Variants in NEBL observed in about 807,000 individuals in gnomAD.
NEBL encodes nebulette, also known as LIM and SH3 protein 2.
NEBL carries 122 observed loss-of-function variants against 140.2 expected under a neutral mutation model. The observed-to-expected ratio is 0.87, with a 90% CI of 0.75 to 1.01. NEBL has a LOEUF of 1.01. NEBL is among the 50% of genes least tolerant of loss of function. The pLI is 0.00. For synonymous variants in NEBL, 436 were observed against 398.9 expected (o/e 1.09, Z -1.11); for missense variants, 1,365 against 1,231.3 (o/e 1.11, Z -1.62).
chr10:21,180,131 G>A (rs866904026), intron 3 of NEBL, among the ~76,000 whole-genome samples: 1 of 151,170 alleles, frequency 6.6e-6, no homozygotes, highest in Non-Finnish European at 1.5e-5. Flanking sequence ...AGTGAGACTC[G>A]GTCTCAGAAA....
chr10:21,108,026 A>G (rs1340091646), intron 2 of NEBL, among the ~76,000 whole-genome samples: 1 of 151,932 alleles, frequency 6.6e-6, no homozygotes, highest in African/African-American at 2.4e-5. Context: ...CCCCTTTATC[A>G]TTTTTATTGC....
chr10:21,035,142 C>T lies in NEBL; in HGVS notation c.165-14941G>A, dbSNP rs150493006. Among the ~76,000 whole-genome samples, 809 of 151,966 alleles carry T rather than the reference C, an allele frequency of 5.3e-3. 7 individuals carry two copies. The highest frequency in any genetic ancestry group is 0.018 in the African/African-American group (751 of 41,432). The stretch of plus-strand genomic sequence containing the variant: ...GTCTCCTGAGTAGCTGGATTGCAGG[C>T]GCCTGCCACCACGCCTGGCTAATTT... On this transcript the variant is annotated intron_variant, in intron 2 of 6. Coordinates refer to the NEBL transcript ENST00000417816.
intron 2 of NEBL, among the ~76,000 whole-genome samples, chr10:21,087,402 C>T (rs1836684470): frequency 1.3e-5 from 2 of 152,050 alleles, no homozygotes; most frequent in African/African-American, 4.8e-5. Flanking sequence ...CTTTAGAAAA[C>T]ACACACTGAG....
intron 3 of NEBL, among the ~76,000 whole-genome samples, chr10:20,989,004 GTTC>G (rs552490520): frequency 9.9e-4 from 151 of 152,268 alleles, no homozygotes; most frequent in African/African-American, 3.3e-3. Context: ...AATTTACACA[GTTC>G]TTATTTTCAT....
chr10:21,067,077 A>T (rs1429759987), intron 2 of NEBL, among the ~76,000 whole-genome samples: 1 of 143,740 alleles, frequency 7.0e-6, no homozygotes, highest in Non-Finnish European at 1.5e-5. Context: ...GGTTCACGCC[A>T]TTCCCCTGCC....
rs996115312 is a variant in NEBL at position 21,240,701 on chromosome 10, T to A, written n.348+7220A>T. ...GTTACAAGTTATTCTGGGATTTGGTTTTTAATGTTTTTACATTTCTAACAA... is the reference window on the plus strand; with the variant it reads ...GTTACAAGTTATTCTGGGATTTGGTATTTAATGTTTTTACATTTCTAACAA... On this transcript the variant is annotated intron_variant and non_coding_transcript_variant, in intron 3 of 8. Transcript: ENST00000675702. Among the ~76,000 whole-genome samples the A allele has an allele frequency of 3.5e-4, 54 of 152,280 alleles. No individual in the cohort carries two copies. In the Middle Eastern group the frequency reaches 0.014, roughly 39 times the overall value.
At position 20,869,762 on chromosome 10, in the gene NEBL, T is replaced by C. The variant is rs765788927; in HGVS notation, c.560A>G (p.Gln187Arg). The change falls in exon 6 of 28, where the codon CAG becomes CGG. Residue 187 changes from glutamine to arginine, a missense_variant. Gln to Arg is a conservative substitution (Grantham distance 43). This residue lies in a region of NEBL where 1,323 missense variants were observed against 1,154.8 expected (regional missense o/e 1.15). Coordinates refer to ENST00000377122, the MANE Select transcript of NEBL (RefSeq NM_006393.3). Reference protein sequence around the residue: ...LDRPDIKMATQISKIISNAEY... With the variant: ...LDRPDIKMATRISKIISNAEY... Reference sequence around the variant, plus strand: ...TACATTGCTTATGATCTTAGAGATCTGGGTTGCCATCTTGATGTCTGGTCG... The same window carrying C: ...TACATTGCTTATGATCTTAGAGATCCGGGTTGCCATCTTGATGTCTGGTCG... 15 of 1,611,480 alleles carry C rather than the reference T, an allele frequency of 9.3e-6. No homozygotes were observed. The highest frequency in any genetic ancestry group is 6.7e-5 in the African/African-American group (5 of 74,978).
rs182307157 is a variant in NEBL, at chr10:21,041,457, C to G, written c.165-21256G>C. ...ACTAACAACCAAGGGAAGATGCAGACAACATGGAAAAAAGCCGAGAAGAAA... is the reference window on the plus strand; with the variant it reads ...ACTAACAACCAAGGGAAGATGCAGAGAACATGGAAAAAAGCCGAGAAGAAA... On this transcript the variant is annotated intron_variant, in intron 2 of 6. Transcript: ENST00000417816. 2.1e-3 allele frequency among the ~76,000 whole-genome samples: 323 copies of G among 152,000 alleles called. 1 individual carries two copies. Among genetic ancestry groups the G allele is most frequent in the African/African-American group, 6.9e-3 (288 of 41,446 alleles).
chr10:20,827,037 C>A (rs1373635419), intron 17 of NEBL, among the ~76,000 whole-genome samples: 1 of 152,194 alleles, frequency 6.6e-6, no homozygotes, highest in Non-Finnish European at 1.5e-5. Context: ...CTATCTTCTT[C>A]ATCTTCCACT....
rs1471048935 is a variant in NEBL, at chr10:21,182,948, T to C, written n.349-10471A>G. 2.6e-5 allele frequency among the ~76,000 whole-genome samples: 4 copies of C among 152,298 alleles called. No homozygotes were observed. In the East Asian group the frequency reaches 7.7e-4, roughly 29 times the overall value. ...GCCTCTCAAATTGGACTAGCCACAT[T>C]GCAAGTGCTTCAGAGCCACCGATGG... On this transcript the variant is annotated intron_variant and non_coding_transcript_variant, in intron 3 of 8. Coordinates refer to the NEBL transcript ENST00000675702.
At chr10:20,915,560 C>T (rs1453989388) in intron 4 of NEBL, among the ~76,000 whole-genome samples, 1 of 151,630 alleles carries the variant, frequency 6.6e-6, no homozygotes, top group Admixed American at 6.6e-5. Flanking sequence ...CCAATTTCAT[C>T]CATGTCCCTA....
At chr10:21,033,599 G>C (rs527615523) in intron 2 of NEBL, among the ~76,000 whole-genome samples, 2 of 152,000 alleles carry the variant, frequency 1.3e-5, no homozygotes, top group Non-Finnish European at 2.9e-5. Flanking sequence ...AATTAGCCAG[G>C]CATGGCGGTG....
chr10:21,132,061 T>TA (rs1208378374), intron 2 of NEBL, among the ~76,000 whole-genome samples: 1 of 152,164 alleles, frequency 6.6e-6, no homozygotes, highest in African/African-American at 2.4e-5. Context: ...AGTTATGCAA[T>TA]AATAACCATT....
chr10:20,933,731 C>A (rs1834324635), intron 4 of NEBL, among the ~76,000 whole-genome samples: 2 of 152,102 alleles, frequency 1.3e-5, no homozygotes, highest in African/African-American at 4.8e-5. Context: ...GAGGGAGACT[C>A]CATTTCAAAA....
chr10:21,041,075 G>C (rs1200881270), intron 2 of NEBL, among the ~76,000 whole-genome samples: 2 of 152,114 alleles, frequency 1.3e-5, no homozygotes, highest in Admixed American at 1.3e-4. Flanking sequence ...TTTTATTTTA[G>C]GTTCAAGGGC....
At chr10:21,156,561 C>A (rs1481479138) in intron 2 of NEBL, among the ~76,000 whole-genome samples, 1 of 151,436 alleles carries the variant, frequency 6.6e-6, no homozygotes, top group Non-Finnish European at 1.5e-5. Flanking sequence ...AAGACCAACC[C>A]ATTTCTTATC....
chr10:20,971,459 A>G (rs1398041392), intron 3 of NEBL, among the ~76,000 whole-genome samples: 2 of 140,750 alleles, frequency 1.4e-5, no homozygotes, highest in South Asian at 4.4e-4. Context: ...TTTTTTTTTT[A>G]TTATACTTTA....
chr10:20,834,777 T>C (rs372070640), intron 14 of NEBL, among the ~76,000 whole-genome samples: 1 of 152,354 alleles, frequency 6.6e-6, no homozygotes, highest in African/African-American at 2.4e-5. Context: ...ACTCCAGTGA[T>C]CCTTTTATAT....
At chr10:21,167,883 T>G (rs1428932172) in intron 2 of NEBL, among the ~76,000 whole-genome samples, 1 of 152,194 alleles carries the variant, frequency 6.6e-6, no homozygotes, top group Non-Finnish European at 1.5e-5. Context: ...AAATCCCAAA[T>G]GTGCTAAAGA....
Sources: gnomAD v4.1 joint callset for allele counts (sites outside exome capture counted in the v4.1 genomes callset) on GRCh38, gnomAD v4.1.1 for gene constraint, gnomAD v4.1.1 regional missense constraint, MANE v1.5 for transcripts, NCBI Gene and HGNC (gene_info 2026-07-23, HGNC 2026-07-21) for gene names.